XPA: variants seen among roughly 807,000 people sequenced by gnomAD.
The protein encoded by XPA is XPA, DNA damage recognition and repair factor.
Under a neutral mutation model 35.7 loss-of-function variants are expected in XPA, and 27 were observed. The ratio of observed to expected loss-of-function variants is 0.76; its 90% CI spans 0.56 to 1.04. The LOEUF (loss-of-function observed/expected upper bound fraction) is 1.04, where lower values mean the gene tolerates loss of function less well. Among genes scored for constraint, XPA ranks in the 50% least tolerant of loss-of-function variants. XPA has a pLI of 0.00. For missense variants in XPA, 354 were observed against 342.7 expected, an observed-to-expected ratio of 1.03 and a Z score of -0.26; for synonymous variants, 133 against 118.4, an observed-to-expected ratio of 1.12 and a Z score of -0.80.
intron 5 of XPA, chr9:97,676,000 TAGG>T (rs1828353940): frequency 4.6e-6 from 1 of 217,248 alleles, no homozygotes; most frequent in South Asian, 6.9e-5. Flanking sequence ...AAGTTCCTGT[TAGG>T]AGCTACGTCA....
chr9:97,694,513 G>C (rs1489325208), intron 1 of XPA, among the ~76,000 whole-genome samples: 1 of 152,136 alleles, frequency 6.6e-6, no homozygotes, highest in Non-Finnish European at 1.5e-5. Flanking sequence ...CACATGAAAA[G>C]GTTCTCATTA....
intron 5 of XPA, among the ~76,000 whole-genome samples, chr9:97,677,428 G>A (rs533835763): frequency 1.3e-5 from 2 of 152,268 alleles, no homozygotes; most frequent in Admixed American, 1.3e-4. Context: ...GCTCATGCCT[G>A]TAATCCCAGC....
At chr9:97,654,827 C>T in the XPA span, 15 of 1,473,076 alleles carry the variant, frequency 1.0e-5, no homozygotes, top group Admixed American at 2.5e-4. Flanking sequence ...TTGTCTATTA[C>T]AACTTATTTG....
downstream of XPA, chr9:97,673,302 C>T (rs1828251944): frequency 6.6e-6 from 1 of 152,042 alleles, no homozygotes; most frequent in South Asian, 2.1e-4. Context: ...GTTCAAGGGT[C>T]AACTGTAGTT....
chr9:97,674,340 T>C (rs1828287023), downstream of XPA, among the ~76,000 whole-genome samples: 1 of 152,270 alleles, frequency 6.6e-6, no homozygotes, highest in South Asian at 2.1e-4. Context: ...ACTTGAAAAA[T>C]ACACAAACAT....
chr9:97,667,243 C>G, the XPA span, among the ~76,000 whole-genome samples: 2 of 152,142 alleles, frequency 1.3e-5, no homozygotes, highest in African/African-American at 4.8e-5. Flanking sequence ...TTAACACTTT[C>G]CCCGTACTGT....
the XPA span, among the ~76,000 whole-genome samples, chr9:97,657,259 C>T: frequency 6.6e-6 from 1 of 152,196 alleles, no homozygotes; most frequent in Non-Finnish European, 1.5e-5. Flanking sequence ...AGCCACCGTG[C>T]CCAGCCTGGT....
chr9:97,660,827 A>C, the XPA span: 2 of 1,189,140 alleles, frequency 1.7e-6, no homozygotes, highest in Non-Finnish European at 2.3e-6. Context: ...CTTGGGATAA[A>C]GAGCATCCTA....
chr9:97,667,063 G>A, the XPA span, among the ~76,000 whole-genome samples: 7 of 152,160 alleles, frequency 4.6e-5, no homozygotes, highest in African/African-American at 1.7e-4. Context: ...AGTGTGTTGT[G>A]TGCTGTTACA....
At chr9:97,656,723 A>G in the XPA span, among the ~76,000 whole-genome samples, 2 of 152,112 alleles carry the variant, frequency 1.3e-5, no homozygotes, top group African/African-American at 2.4e-5. Context: ...CTAGAGACCC[A>G]TTACGTTGGT....
chr9:97,692,214 C>T (rs995496932), intron 2 of XPA, among the ~76,000 whole-genome samples: 2 of 151,846 alleles, frequency 1.3e-5, no homozygotes, highest in African/African-American at 4.8e-5. Flanking sequence ...TCGCTTGAAC[C>T]CAGGAGGCAG....
intron 1 of XPA, 86 bp downstream of exon 1, chr9:97,697,035 G>A: frequency 6.9e-7 from 1 of 1,440,196 alleles, no homozygotes; most frequent in Admixed American, 2.7e-5. Flanking sequence ...CGCGACCCCC[G>A]GGCCCCGGGA....
intron 5 of XPA, chr9:97,682,062 TTATCTATCTATC>T (rs5899322): frequency 9.1e-4 from 222 of 242,780 alleles, no homozygotes; most frequent in Admixed American, 3.9e-3. Flanking sequence ...CACCTTATTT[TTATCTATCTATC>T]TATCTATCTA....
At chr9:97,697,031 C>G in intron 1 of XPA, 90 bp downstream of exon 1, 5 of 1,431,802 alleles carry the variant, frequency 3.5e-6, no homozygotes, top group Non-Finnish European at 4.6e-6. Flanking sequence ...TTGACGCGAC[C>G]CCCGGGCCCC....
the XPA span, among the ~76,000 whole-genome samples, chr9:97,665,295 C>A: frequency 6.6e-6 from 1 of 152,188 alleles, no homozygotes; most frequent in Non-Finnish European, 1.5e-5. Context: ...ACTAACCACC[C>A]GAGTATGTTT....
At chr9:97,677,969 A>G (rs1228065502) in intron 5 of XPA, among the ~76,000 whole-genome samples, 2 of 152,212 alleles carry the variant, frequency 1.3e-5, no homozygotes, top group East Asian at 3.8e-4. Context: ...AGCCAGTATA[A>G]GTAAAACTAA....
intron 3 of XPA, among the ~76,000 whole-genome samples, chr9:97,687,830 G>A (rs1235720907): frequency 6.6e-6 from 1 of 152,162 alleles, no homozygotes; most frequent in Non-Finnish European, 1.5e-5. Context: ...GATGAATTCA[G>A]GATATGGTGA....
intron 1 of XPA, among the ~76,000 whole-genome samples, chr9:97,693,981 T>A (rs999502840): frequency 6.6e-6 from 1 of 152,210 alleles, no homozygotes. Context: ...TAAAACAGCA[T>A]CTATTCACAG....
At chr9:97,686,156 T>C (rs1022565010) in intron 4 of XPA, among the ~76,000 whole-genome samples, 6 of 152,222 alleles carry the variant, frequency 3.9e-5, no homozygotes, top group East Asian at 1.9e-4. Flanking sequence ...TTTGGAGATA[T>C]GGGATTTTCT....
Sources: gnomAD v4.1 joint callset for allele counts (sites outside exome capture counted in the v4.1 genomes callset) on GRCh38, gnomAD v4.1.1 for gene constraint, MANE v1.5 for transcripts, NCBI Gene and HGNC (gene_info 2026-07-23, HGNC 2026-07-21) for gene names.